The following MYBPC1 variants were observed in gnomAD, a reference collection of about 807,000 sequenced individuals.
MYBPC1 encodes the protein myosin-binding protein C, slow-type.
A neutral mutation model predicts 147.1 loss-of-function variants in MYBPC1; 52 were observed. The observed-to-expected ratio is 0.35, with a 90% CI of 0.28 to 0.45. MYBPC1 has a LOEUF of 0.45. Ranked by LOEUF, MYBPC1 falls within the 20% of genes least tolerant of loss-of-function variation. The pLI is 1.00. For synonymous variants in MYBPC1, 477 were observed against 475.9 expected (o/e 1.00, Z -0.03); for missense variants, 1,228 against 1,440.3 (o/e 0.85, Z 2.39).
intron 29 of MYBPC1, 138 bp downstream of exon 29, chr12:101,680,667 G>C: frequency 1.0e-6 from 1 of 964,672 alleles, no homozygotes; most frequent in Non-Finnish European, 1.6e-6. Context: ...TGAGGGCAAG[G>C]GAAGCAGGGA....
chr12:101,633,131 G>A (rs1890245761), intron 8 of MYBPC1, among the ~76,000 whole-genome samples: 1 of 152,142 alleles, frequency 6.6e-6, no homozygotes, highest in East Asian at 1.9e-4. Context: ...TTCTACATTT[G>A]GAGTGATGTC....
At chr12:101,629,135 G>C (rs1257364163) in intron 5 of MYBPC1, 4 of 397,480 alleles carry the variant, frequency 1.0e-5, no homozygotes, top group African/African-American at 2.1e-5. Context: ...CAGGCAAGAT[G>C]GGGAAGCAAA....
chr12:101,609,396 A>T (rs895385953), intron 1 of MYBPC1, among the ~76,000 whole-genome samples: 11 of 151,972 alleles, frequency 7.2e-5, no homozygotes, highest in African/African-American at 2.4e-4. Flanking sequence ...GGCTTAAGTG[A>T]TCCTCCCACC....
chr12:101,675,581 C>A, intron 26 of MYBPC1, 150 bp downstream of exon 26: 1 of 1,221,890 alleles, frequency 8.2e-7, no homozygotes, highest in Non-Finnish European at 1.2e-6. Flanking sequence ...CCTGTGGAGC[C>A]ACAGAGCTGG....
At chr12:101,679,389 C>A (rs1950787127) in intron 28 of MYBPC1, among the ~76,000 whole-genome samples, 1 of 152,056 alleles carries the variant, frequency 6.6e-6, no homozygotes, top group African/African-American at 2.4e-5. Flanking sequence ...AGGTGTGAGG[C>A]TCAGTGATCG....
At chr12:101,686,248 T>C (rs1005238671), downstream of MYBPC1, among the ~76,000 whole-genome samples, 4 of 152,260 alleles carry the variant, frequency 2.6e-5, no homozygotes, top group Non-Finnish European at 5.9e-5. Context: ...GATGAAATGA[T>C]ACAATATGCA....
chr12:101,626,853 C>T lies in MYBPC1; in HGVS notation c.104-19C>T, dbSNP rs1392094428. On this transcript the variant is annotated intron_variant, in intron 3 of 31. Transcript: ENST00000361466. Reference sequence around the variant, plus strand: ...GAAGTCTTTTCTCCTTGACTTTTTACTCCTATTTCTTGTTTCAGATGAAGA... The same window carrying T: ...GAAGTCTTTTCTCCTTGACTTTTTATTCCTATTTCTTGTTTCAGATGAAGA... The T allele has an allele frequency of 1.9e-6, 3 of 1,606,696 alleles. No individual in the cohort carries two copies. The highest frequency in any genetic ancestry group is 2.6e-6 in the Non-Finnish European group (3 of 1,173,250).
chr12:101,624,111 C>T (rs1305263930), intron 3 of MYBPC1, among the ~76,000 whole-genome samples: 1 of 152,074 alleles, frequency 6.6e-6, no homozygotes, highest in Admixed American at 6.5e-5. Flanking sequence ...AAAATACAAG[C>T]ATTTAATTCC....
At chr12:101,681,592 A>T (rs7302615) in intron 29 of MYBPC1, among the ~76,000 whole-genome samples, 461 of 13,532 alleles carry the variant, frequency 0.034, 9 homozygotes, top group Middle Eastern at 0.05. Flanking sequence ...ATATATATAT[A>T]TTTTTTTTTT....
intron 3 of MYBPC1, among the ~76,000 whole-genome samples, chr12:101,619,782 T>C (rs1886971486): frequency 6.6e-6 from 1 of 152,234 alleles, no homozygotes; most frequent in Non-Finnish European, 1.5e-5. Context: ...GGTTGACATA[T>C]ATTCAATTAA....
chr12:101,678,036 C>T, intron 27 of MYBPC1, 66 bp from the exon 28 acceptor site: 1 of 1,552,300 alleles, frequency 6.4e-7, no homozygotes. Flanking sequence ...GTAAAGTATG[C>T]CACCAATAAT....
chr12:101,677,574 T>G (rs1900276211), intron 27 of MYBPC1, among the ~76,000 whole-genome samples, 180 bp downstream of exon 27: 1 of 152,224 alleles, frequency 6.6e-6, no homozygotes, highest in Admixed American at 6.5e-5. Flanking sequence ...GAAATTGTAT[T>G]ATTATTGCAT....
At position 101,685,774 on chromosome 12, in the gene MYBPC1, C is replaced by T. The variant is rs375360626; in HGVS notation, c.*212C>T. The stretch of plus-strand genomic sequence containing the variant: ...ATTTTCTGTTTTCCCACCAGGCCCC[C>T]AAGTGTGGTCTTTTTCTTTCCTCCT... On this transcript the variant is annotated 3_prime_UTR_variant, in exon 32 of 32. Coordinates refer to ENST00000361466, the MANE Select transcript of MYBPC1 (RefSeq NM_002465.4). 41 of 867,172 alleles carry T rather than the reference C, an allele frequency of 4.7e-5. No individual in the cohort carries two copies. Among genetic ancestry groups the T allele is most frequent in the African/African-American group, 4.7e-4 (26 of 55,618 alleles). The allele number at this position is 867,172 out of a possible 1,614,324, so 53.7% of individuals were successfully genotyped here.
In MYBPC1 at chr12:101,617,243, G is replaced by A. The variant is rs368038829; in HGVS notation, c.103G>A (p.Asp35Asn). 1 of 1,613,804 alleles carries A rather than the reference G, an allele frequency of 6.2e-7. No individual in the cohort carries two copies. Among genetic ancestry groups the A allele is most frequent in the East Asian group, 2.2e-5 (1 of 44,876 alleles). Reference sequence around the variant, plus strand: ...GGAGGCCGGAACTACACCAGCAAAAGGTGAGTTGGAGGGAGGGAGAGTGAG... The same window carrying A: ...GGAGGCCGGAACTACACCAGCAAAAAGTGAGTTGGAGGGAGGGAGAGTGAG... ...EKEAGTTPAKDEEEVSPPSAL... is the reference protein window; with the variant it reads ...EKEAGTTPAKNEEEVSPPSAL... The change falls in exon 3 of 32, where the codon GAT becomes AAT. Residue 35 changes from aspartate (D) to asparagine (N), a missense_variant and splice_region_variant. Asp to Asn is a conservative substitution (Grantham distance 23). Coordinates refer to ENST00000361466, the MANE Select transcript of MYBPC1 (RefSeq NM_002465.4).
chr12:101,685,657 A>G lies in MYBPC1; in HGVS notation c.*95A>G. The G allele has an allele frequency of 6.5e-7, 1 of 1,530,708 alleles. No individual in the cohort carries two copies. The highest frequency in any genetic ancestry group is 2.4e-5 in the East Asian group (1 of 40,858). 94.8% of individuals were successfully genotyped at this position (1,530,708 alleles called of 1,614,324 possible). On this transcript the variant is annotated 3_prime_UTR_variant, in exon 32 of 32. Transcript: ENST00000361466. ...ATTGATTCGTATCTGCGAGACTTAC[A>G]CTCAAGCAATCCTGAGGAATACTGA...
downstream of MYBPC1, among the ~76,000 whole-genome samples, chr12:101,686,949 A>T (rs1334463097): frequency 6.6e-6 from 1 of 152,160 alleles, no homozygotes; most frequent in Admixed American, 6.5e-5. Context: ...GTTGTTAAGA[A>T]CATTGGCTAT....
intron 3 of MYBPC1, among the ~76,000 whole-genome samples, chr12:101,621,424 T>C (rs1485485894): frequency 6.6e-6 from 1 of 152,198 alleles, no homozygotes; most frequent in Non-Finnish European, 1.5e-5. Flanking sequence ...ATTAAGAAAA[T>C]GCAATAAATT....
At chr12:101,613,961 G>A (rs767335897) in intron 1 of MYBPC1, among the ~76,000 whole-genome samples, 89 of 152,148 alleles carry the variant, frequency 5.8e-4, no homozygotes, top group Non-Finnish European at 9.4e-4. Context: ...CAATGTTGGC[G>A]ATGCAGTGGT....
chr12:101,651,468 G>T, intron 16 of MYBPC1, 75 bp downstream of exon 16: 2 of 1,577,544 alleles, frequency 1.3e-6, no homozygotes. Context: ...TTACATATTT[G>T]GTGAGGATAT....
Sources: gnomAD v4.1 joint callset for allele counts (sites outside exome capture counted in the v4.1 genomes callset) on GRCh38, gnomAD v4.1.1 for gene constraint, MANE v1.5 for transcripts, NCBI Gene and HGNC (gene_info 2026-07-23, HGNC 2026-07-21) for gene names.